TEKT5: variants seen among roughly 807,000 people sequenced by gnomAD.
TEKT5 encodes tektin-5.
In TEKT5, 52 loss-of-function variants were observed where a neutral mutation model predicts 48.7. That is an observed-to-expected ratio of 1.07 (90% CI 0.86 to 1.35). The LOEUF is 1.35. TEKT5 is among the 40% of genes most tolerant of loss of function. TEKT5 has a pLI of 0.00. For missense variants in TEKT5, 831 were observed against 641.6 expected (o/e 1.30, Z -3.19); for synonymous variants, 318 against 267.6 (o/e 1.19, Z -1.84).
intron 3 of TEKT5, among the ~76,000 whole-genome samples, chr16:10,684,923 T>C (rs936046272): frequency 1.3e-5 from 2 of 152,188 alleles, no homozygotes; most frequent in African/African-American, 2.4e-5. Flanking sequence ...CAGAAAACCA[T>C]GAGCCAAGAG....
rs1189856281 is a variant in TEKT5 at position 10,635,744 on chromosome 16, C to T, written c.1241+20G>A. On this transcript the variant is annotated intron_variant, in intron 6 of 6. Coordinates refer to ENST00000283025, the MANE Select transcript of TEKT5 (RefSeq NM_144674.2). ...GGATTCCCAGGGGTTCTCCTGCCTCCTCTGGCCTCCCTCACTTACTTCAAC... is the reference window on the plus strand; with the variant it reads ...GGATTCCCAGGGGTTCTCCTGCCTCTTCTGGCCTCCCTCACTTACTTCAAC... 4.4e-6 allele frequency: 7 copies of T among 1,605,340 alleles called. No homozygotes were observed. The highest frequency in any genetic ancestry group is 6.0e-6 in the Non-Finnish European group (7 of 1,173,490).
intron 6 of TEKT5, among the ~76,000 whole-genome samples, chr16:10,635,319 C>T (rs1897897821): frequency 6.6e-6 from 1 of 151,964 alleles, no homozygotes; most frequent in African/African-American, 2.4e-5. Flanking sequence ...TCATGAGGCT[C>T]TTCCAGGGCT....
chr16:10,680,950 G>A (rs551246662), intron 4 of TEKT5, among the ~76,000 whole-genome samples: 1 of 148,448 alleles, frequency 6.7e-6, no homozygotes, highest in African/African-American at 2.5e-5. Context: ...CATGGCACAT[G>A]TATACATATG....
chr16:10,666,446 T>G (rs1189576172), intron 5 of TEKT5, among the ~76,000 whole-genome samples: 1 of 152,212 alleles, frequency 6.6e-6, no homozygotes, highest in Non-Finnish European at 1.5e-5. Flanking sequence ...CCGTGTGGGA[T>G]GTTTAGCAGT....
In TEKT5 at chr16:10,694,728, G is replaced by T; in HGVS notation, c.146C>A (p.Ser49Ter). The change falls in exon 1 of 7, where the codon TCA (serine) becomes TAA (stop). Residue 49 changes from serine (S) to a stop codon, truncating the protein, a stop_gained. Transcript: ENST00000283025. LOFTEE classifies it high-confidence loss of function. ...YYLPGYRYLN[S>*]WRPSLFYKIA... ...CTTGTAGAAGAGGCTAGGCCTCCAT[G>T]AATTGAGGTAGCGGTACCCGGGCAG... The T allele has an allele frequency of 6.2e-7, 1 of 1,614,120 alleles. No homozygotes were observed.
intron 5 of TEKT5, among the ~76,000 whole-genome samples, chr16:10,664,979 G>A (rs997503753): frequency 2.0e-5 from 3 of 152,164 alleles, no homozygotes; most frequent in African/African-American, 7.2e-5. Context: ...GCACAGAGAG[G>A]TAGGGCAACC....
Position 10,694,776 on chromosome 16 carries a change from T to C in TEKT5, c.98A>G (p.Gln33Arg). 1.2e-6 allele frequency: 2 copies of C among 1,614,010 alleles called. No individual in the cohort carries two copies. The highest frequency in any genetic ancestry group is 1.7e-6 in the Non-Finnish European group (2 of 1,179,932). ...SLPAVQAPVI[Q>R]ECYQPYYLPG... ...CAGGTAGTAGGGCTGATAGCATTCC[T>C]GGATCACTGGCGCCTGTACAGCTGG... Residue 33 changes from glutamine (Q) to arginine (R), a missense_variant, in exon 1 of 7, where the codon CAG becomes CGG. Coordinates refer to ENST00000283025, the MANE Select transcript of TEKT5 (RefSeq NM_144674.2).
chr16:10,628,227 A>G (rs906568941), intron 6 of TEKT5, among the ~76,000 whole-genome samples: 31 of 152,348 alleles, frequency 2.0e-4, no homozygotes, highest in African/African-American at 7.2e-4. Context: ...AGCAGCAAGC[A>G]AGACAGGCAA....
chr16:10,646,620 C>T lies in TEKT5; in HGVS notation c.1087-10702G>A, dbSNP rs376420662. On this transcript the variant is annotated intron_variant, in intron 5 of 6. Transcript: ENST00000283025. ...TTTTTTTTTTCAAAGAATCAAAGTC[C>T]TGGCTTCTGTATTAGCTTAAGAAAA... Among the ~76,000 whole-genome samples, 9 of 152,186 alleles carry T rather than the reference C, an allele frequency of 5.9e-5. 1 individual carries two copies. The South Asian group carries it at 6.2e-4, about 11-fold the overall frequency.
chr16:10,690,147 T>A (rs1898942831), intron 1 of TEKT5, 122 bp from the exon 2 acceptor site: 1 of 980,972 alleles, frequency 1.0e-6, no homozygotes, highest in African/African-American at 1.6e-5. Flanking sequence ...GGGTGCTTCA[T>A]GTGACCTCAC....
rs28625692 is a variant in TEKT5, at chr16:10,681,510, C to T, written c.863+483G>A. ...TACAGGGGTAAGCCAACAAGCCTGG[C>T]GAAGCAAGAATTCACTCTGTTAAAC... On this transcript the variant is annotated intron_variant, in intron 4 of 6. Transcript: ENST00000283025. 2.0e-5 allele frequency among the ~76,000 whole-genome samples: 3 copies of T among 151,970 alleles called. No individual in the cohort carries two copies. In the East Asian group the frequency reaches 5.8e-4, roughly 29 times the overall value.
intron 4 of TEKT5, among the ~76,000 whole-genome samples, chr16:10,681,425 A>G (rs1898748605): frequency 6.7e-6 from 1 of 148,696 alleles, no homozygotes; most frequent in South Asian, 2.1e-4. Flanking sequence ...GGTCTGGAAA[A>G]CTCCTGGAAC....
intron 3 of TEKT5, among the ~76,000 whole-genome samples, chr16:10,682,570 C>T (rs1348892322): frequency 1.3e-5 from 2 of 152,150 alleles, no homozygotes; most frequent in Non-Finnish European, 2.9e-5. Context: ...TCAAGTGATC[C>T]CCCTGCCTCA....
At chr16:10,660,788 C>T (rs1044845736) in intron 5 of TEKT5, among the ~76,000 whole-genome samples, 3 of 152,082 alleles carry the variant, frequency 2.0e-5, no homozygotes, top group Admixed American at 6.6e-5. Context: ...ATAACCTCCA[C>T]CTCCTGGGTT....
chr16:10,670,070 C>T (rs371099076), intron 5 of TEKT5, among the ~76,000 whole-genome samples: 14 of 152,324 alleles, frequency 9.2e-5, no homozygotes, highest in Middle Eastern at 3.4e-3. Flanking sequence ...ACTGTCTGCA[C>T]GTGGAGCCGT....
chr16:10,651,998 C>G (rs1020567576), intron 5 of TEKT5, among the ~76,000 whole-genome samples: 2 of 152,066 alleles, frequency 1.3e-5, no homozygotes, highest in Non-Finnish European at 2.9e-5. Flanking sequence ...AGCATTGGCA[C>G]CAGACTATCT....
At chr16:10,679,867 A>G (rs1450635427) in intron 4 of TEKT5, among the ~76,000 whole-genome samples, 2 of 143,510 alleles carry the variant, frequency 1.4e-5, no homozygotes, top group African/African-American at 4.9e-5. Context: ...ATTGCCCTCC[A>G]GCCTGGGCAA....
chr16:10,673,095 G>A (rs1898577676), intron 5 of TEKT5, among the ~76,000 whole-genome samples: 1 of 152,088 alleles, frequency 6.6e-6, no homozygotes, highest in Non-Finnish European at 1.5e-5. Context: ...TCTGGCTCAG[G>A]GTCAGTGCTT....
intron 5 of TEKT5, among the ~76,000 whole-genome samples, chr16:10,640,027 C>T (rs1228698022): frequency 6.8e-6 from 1 of 146,474 alleles, no homozygotes; most frequent in Non-Finnish European, 1.5e-5. Flanking sequence ...TCTTTCTCTT[C>T]CCCTTCTCCT....
Sources: gnomAD v4.1 joint callset for allele counts (sites outside exome capture counted in the v4.1 genomes callset) on GRCh38, gnomAD v4.1.1 for gene constraint, MANE v1.5 for transcripts, NCBI Gene and HGNC (gene_info 2026-07-23, HGNC 2026-07-21) for gene names.